PPP2R3C: variants seen among roughly 807,000 people sequenced by gnomAD.
PPP2R3C encodes protein phosphatase 2 regulatory subunit B''gamma, also known as serine/threonine-protein phosphatase 2A regulatory subunit B'' subunit gamma.
PPP2R3C carries 47 observed loss-of-function variants against 63.7 expected under a neutral mutation model. That is an observed-to-expected ratio of 0.74 (90% CI 0.58 to 0.94). The LOEUF is 0.94. Ranked by LOEUF, PPP2R3C falls within the 40% of genes least tolerant of loss-of-function variation. The probability of loss-of-function intolerance (pLI) is 0.00; values close to 1 mark genes in which losing one functional copy is unlikely to be tolerated. For missense variants in PPP2R3C, 421 were observed against 518.4 expected (o/e 0.81, Z 1.82); for synonymous variants, 180 against 177.4 (o/e 1.01, Z -0.12).
intron 11 of PPP2R3C, among the ~76,000 whole-genome samples, chr14:35,088,233 C>A (rs1159235860): frequency 6.6e-6 from 1 of 152,118 alleles, no homozygotes; most frequent in African/African-American, 2.4e-5. Context: ...TATATCTTAA[C>A]TATTGAGAAC....
In PPP2R3C at chr14:35,091,057, A is replaced by G; in HGVS notation, c.1113+13T>C. 1 of 1,595,948 alleles carries G rather than the reference A, an allele frequency of 6.3e-7. No individual in the cohort carries two copies. ...TTAAGGAACAATGACTCACTTATGC[A>G]AATGAGACTTACCCTAAAGAAATAA... On this transcript the variant is annotated intron_variant, in intron 11 of 12. Transcript: ENST00000261475.
intron 6 of PPP2R3C, chr14:35,100,315 T>C (rs141748529): frequency 1.1e-4 from 17 of 152,288 alleles, no homozygotes; most frequent in Admixed American, 3.3e-4. Flanking sequence ...GAATATAGAA[T>C]ACAATTTCTA....
At chr14:35,119,194 C>T (rs1205490354) in intron 1 of PPP2R3C, among the ~76,000 whole-genome samples, 1 of 151,966 alleles carries the variant, frequency 6.6e-6, no homozygotes, top group Admixed American at 6.6e-5. Flanking sequence ...TGCACCACTG[C>T]GCCCAGCTAC....
intron 11 of PPP2R3C, among the ~76,000 whole-genome samples, 161 bp downstream of exon 11, chr14:35,090,909 G>A (rs920494420): frequency 7.9e-5 from 12 of 151,908 alleles, no homozygotes; most frequent in African/African-American, 2.9e-4. Context: ...TAGAGACGGG[G>A]TTTCACCATG....
intron 1 of PPP2R3C, among the ~76,000 whole-genome samples, chr14:35,117,396 C>T (rs1463378943): frequency 2.0e-5 from 3 of 152,172 alleles, no homozygotes; most frequent in Non-Finnish European, 2.9e-5. Context: ...GACCATGGGT[C>T]CTGCAACTCC....
At chr14:35,119,393 G>A (rs2046797618) in intron 1 of PPP2R3C, among the ~76,000 whole-genome samples, 1 of 152,044 alleles carries the variant, frequency 6.6e-6, no homozygotes, top group African/African-American at 2.4e-5. Flanking sequence ...CTGCAGTATA[G>A]TGTCATGATC....
chr14:35,117,302 T>G, intron 1 of PPP2R3C: 1 of 390,028 alleles, frequency 2.6e-6, no homozygotes, highest in Non-Finnish European at 5.1e-6. Context: ...TCCTCCCCAC[T>G]TATTTGTGGA....
intron 12 of PPP2R3C, chr14:35,086,809 T>G (rs1201188134): frequency 2.0e-5 from 3 of 152,550 alleles, no homozygotes; most frequent in Admixed American, 6.6e-5. Flanking sequence ...CTTCTTTTTT[T>G]GTGTGTGTGA....
chr14:35,118,987 A>C (rs1050901960), intron 1 of PPP2R3C, among the ~76,000 whole-genome samples: 17 of 151,680 alleles, frequency 1.1e-4, no homozygotes, highest in Admixed American at 7.9e-4. Flanking sequence ...TTTTCCTATG[A>C]AGAGTGCAGA....
At chr14:35,105,042 A>G (rs1039558647) in intron 6 of PPP2R3C, among the ~76,000 whole-genome samples, 5 of 144,438 alleles carry the variant, frequency 3.5e-5, no homozygotes, top group African/African-American at 1.3e-4. Flanking sequence ...CTTCTCTTAT[A>G]TTTTCTTAAA....
At chr14:35,107,272 G>C (rs911679562) in intron 6 of PPP2R3C, 32 bp downstream of exon 6, 1 of 1,503,030 alleles carries the variant, frequency 6.7e-7, no homozygotes, top group Non-Finnish European at 9.3e-7. Context: ...GTCTATAAGA[G>C]TTAATATAAT....
At chr14:35,115,839 C>T (rs1194973322) in intron 2 of PPP2R3C, among the ~76,000 whole-genome samples, 1 of 152,142 alleles carries the variant, frequency 6.6e-6, no homozygotes, top group East Asian at 1.9e-4. Context: ...TCAGGCTGGT[C>T]TCGAACTCCT....
At chr14:35,111,235 C>CAAAAAAAAAAAAAAAAAAAAAAAAAAA (rs3058398) in intron 2 of PPP2R3C, among the ~76,000 whole-genome samples, 2 of 89,796 alleles carry the variant, frequency 2.2e-5, no homozygotes, top group African/African-American at 4.2e-5. Context: ...CTCCATCTAC[C>CAAAAAAAAAAAAAAAAAAAAAAAAAAA]AAAAAAAAAA....
chr14:35,115,129 A>G (rs2046671584), intron 2 of PPP2R3C, among the ~76,000 whole-genome samples: 1 of 147,514 alleles, frequency 6.8e-6, no homozygotes. Context: ...TTGCCCTACC[A>G]TTGCCAGGTT....
intron 1 of PPP2R3C, among the ~76,000 whole-genome samples, chr14:35,121,568 C>T (rs920794996): frequency 6.6e-6 from 1 of 152,110 alleles, no homozygotes; most frequent in Non-Finnish European, 1.5e-5. Context: ...AAGCAAAAAG[C>T]GTGACAGTAA....
chr14:35,095,611 G>A (rs1188706746), intron 9 of PPP2R3C, among the ~76,000 whole-genome samples: 1 of 151,404 alleles, frequency 6.6e-6, no homozygotes, highest in African/African-American at 2.4e-5. Context: ...AGGCTGAGGA[G>A]GGCAGATCAG....
At chr14:35,099,163 T>G in intron 7 of PPP2R3C, 89 bp downstream of exon 7, 1 of 1,369,338 alleles carries the variant, frequency 7.3e-7, no homozygotes, top group Admixed American at 3.5e-5. Context: ...GGAAAATAAA[T>G]GATATTTTTC....
intron 2 of PPP2R3C, among the ~76,000 whole-genome samples, chr14:35,113,334 T>A (rs2046619198): frequency 6.6e-6 from 1 of 152,192 alleles, no homozygotes; most frequent in African/African-American, 2.4e-5. Flanking sequence ...AGGACTTTTT[T>A]ACAAATCCAT....
intron 2 of PPP2R3C, 65 bp from the exon 3 acceptor site, chr14:35,110,694 G>A (rs1226387736): frequency 9.4e-7 from 1 of 1,068,368 alleles, no homozygotes; most frequent in African/African-American, 1.6e-5. Context: ...AAATGTATGT[G>A]GCCTCATAAA....
Sources: gnomAD v4.1 joint callset for allele counts (sites outside exome capture counted in the v4.1 genomes callset) on GRCh38, gnomAD v4.1.1 for gene constraint, MANE v1.5 for transcripts, NCBI Gene and HGNC (gene_info 2026-07-23, HGNC 2026-07-21) for gene names.